SYT1: variants seen among roughly 807,000 people sequenced by gnomAD.
SYT1 encodes synaptotagmin-1.
In SYT1, 8 loss-of-function variants were observed where a neutral mutation model predicts 44.8. That is an observed-to-expected ratio of 0.18 (90% CI 0.10 to 0.32). The LOEUF (loss-of-function observed/expected upper bound fraction) is 0.32. Among genes scored for constraint, SYT1 ranks in the 10% least tolerant of loss-of-function variants. SYT1 has a pLI of 1.00. For synonymous variants in SYT1, 154 were observed against 188.8 expected, an observed-to-expected ratio of 0.82 and a Z score of 1.51; for missense variants, 286 against 509.3, an observed-to-expected ratio of 0.56 and a Z score of 4.22.
chr12:79,407,853 T>C (rs151290202), intron 9 of SYT1, among the ~76,000 whole-genome samples: 257 of 152,280 alleles, frequency 1.7e-3, no homozygotes, highest in African/African-American at 5.7e-3. Context: ...GACATTGCTG[T>C]CTTCTTTCCT....
chr12:79,008,752 C>T (rs893072709), intron 2 of SYT1, among the ~76,000 whole-genome samples: 2 of 152,076 alleles, frequency 1.3e-5, no homozygotes, highest in African/African-American at 2.4e-5. Context: ...AGCCACCTCC[C>T]TTTGCTTATT....
At chr12:79,097,332 G>A (rs1878193628) in intron 3 of SYT1, among the ~76,000 whole-genome samples, 1 of 151,924 alleles carries the variant, frequency 6.6e-6, no homozygotes, top group Non-Finnish European at 1.5e-5. Flanking sequence ...TAGTCTGAGG[G>A]CTATCAGCCA....
At chr12:79,183,635 T>C (rs1872658702) in intron 3 of SYT1, among the ~76,000 whole-genome samples, 1 of 152,024 alleles carries the variant, frequency 6.6e-6, no homozygotes, top group Non-Finnish European at 1.5e-5. Context: ...ACCATGCTGT[T>C]CCCACAGCCC....
chr12:79,384,685 A>T (rs1884360661), intron 9 of SYT1, among the ~76,000 whole-genome samples: 1 of 152,184 alleles, frequency 6.6e-6, no homozygotes, highest in Non-Finnish European at 1.5e-5. Context: ...ATCCACTGAC[A>T]GCCAAAATGA....
At chr12:79,206,530 GA>G (rs569794722) in intron 3 of SYT1, among the ~76,000 whole-genome samples, 4 of 151,864 alleles carry the variant, frequency 2.6e-5, no homozygotes, top group African/African-American at 9.7e-5. Context: ...TAAAAAATGT[GA>G]AAAAAAATAT....
intron 8 of SYT1, among the ~76,000 whole-genome samples, chr12:79,333,802 A>G (rs1474300288): frequency 6.6e-6 from 1 of 152,220 alleles, no homozygotes; most frequent in Non-Finnish European, 1.5e-5. Context: ...AAAGATAGTT[A>G]CATTATTATT....
Position 79,228,035 on chromosome 12 carries a change from A to ATTT in SYT1, c.166+10362_166+10364dup, listed in dbSNP as rs34646036. The stretch of plus-strand genomic sequence containing the variant: ...TGTTTCTTATTTCATCCTCTCCTCC[A>ATTT]TTTTTTTTTTTTTTGGTCCTATAAT... On this transcript the variant is annotated intron_variant, in intron 4 of 10. Transcript: ENST00000261205. 1.2e-3 allele frequency among the ~76,000 whole-genome samples: 165 copies of ATTT among 140,492 alleles called. No individual in the cohort carries two copies. In the Middle Eastern group the frequency reaches 0.015, roughly 13 times the overall value. 92.2% of individuals were successfully genotyped at this position (140,492 alleles called of 152,430 possible).
At chr12:78,871,100 T>C (rs1029217682) in intron 1 of SYT1, among the ~76,000 whole-genome samples, 21 of 152,150 alleles carry the variant, frequency 1.4e-4, no homozygotes, top group African/African-American at 5.1e-4. Flanking sequence ...CTGAAAGGAT[T>C]GTTTAAAAAG....
chr12:79,277,117 C>T (rs568947083), intron 4 of SYT1, among the ~76,000 whole-genome samples: 5 of 152,018 alleles, frequency 3.3e-5, no homozygotes, highest in Admixed American at 2.6e-4. Context: ...TATTAGACAT[C>T]TAGACACAAA....
intron 8 of SYT1, among the ~76,000 whole-genome samples, chr12:79,304,964 C>A (rs2138900879): frequency 6.6e-6 from 1 of 152,154 alleles, no homozygotes; most frequent in African/African-American, 2.4e-5. Flanking sequence ...TATCTTGGGT[C>A]ATAGCTGTGG....
intron 8 of SYT1, among the ~76,000 whole-genome samples, chr12:79,343,636 T>A (rs1882473780): frequency 6.6e-6 from 1 of 152,186 alleles, no homozygotes; most frequent in African/African-American, 2.4e-5. Context: ...GAAAGAAAGA[T>A]CTCAAATGTT....
chr12:79,218,582 G>A (rs1874957662), intron 4 of SYT1, among the ~76,000 whole-genome samples: 1 of 152,144 alleles, frequency 6.6e-6, no homozygotes, highest in African/African-American at 2.4e-5. Context: ...CTACTTCTAT[G>A]AAATCAACTT....
At chr12:79,057,119 C>T (rs1408953931) in intron 3 of SYT1, among the ~76,000 whole-genome samples, 2 of 152,030 alleles carry the variant, frequency 1.3e-5, no homozygotes, top group Non-Finnish European at 2.9e-5. Flanking sequence ...CATTTTCCTC[C>T]TTTCCTTGGA....
chr12:79,258,730 G>C (rs1349411178), intron 4 of SYT1, among the ~76,000 whole-genome samples: 7 of 152,184 alleles, frequency 4.6e-5, no homozygotes, highest in Non-Finnish European at 7.3e-5. Context: ...TAGGAAGAGA[G>C]AAAAGGATGC....
At chr12:78,878,939 A>T (rs1038353698) in intron 1 of SYT1, among the ~76,000 whole-genome samples, 1 of 151,738 alleles carries the variant, frequency 6.6e-6, no homozygotes, top group Admixed American at 6.6e-5. Flanking sequence ...GATTCATTGC[A>T]GTAGGGCAAA....
rs184856992 is a variant in SYT1 at position 79,128,880 on chromosome 12, G to C, written c.-18+81518G>C. Among the ~76,000 whole-genome samples, 127 of 152,236 alleles carry C rather than the reference G, an allele frequency of 8.3e-4. 1 individual carries two copies. Among genetic ancestry groups the C allele is most frequent in the Non-Finnish European group, 8.5e-4 (58 of 68,004 alleles). ...TCCTTGAGCCAAGCTGGACTTACTGGTAATTCCCTGAACACTTTTGATTTC... is the reference window on the plus strand; with the variant it reads ...TCCTTGAGCCAAGCTGGACTTACTGCTAATTCCCTGAACACTTTTGATTTC... On this transcript the variant is annotated intron_variant, in intron 3 of 10. Transcript: ENST00000261205.
chr12:79,139,677 A>T (rs1869435517), intron 3 of SYT1, among the ~76,000 whole-genome samples: 2 of 152,210 alleles, frequency 1.3e-5, no homozygotes, highest in African/African-American at 2.4e-5. Flanking sequence ...CGCTTCTACT[A>T]AAACCAAATC....
chr12:79,348,955 AAAG>A (rs1211878438), intron 8 of SYT1, among the ~76,000 whole-genome samples: 4 of 146,964 alleles, frequency 2.7e-5, no homozygotes, highest in Middle Eastern at 3.4e-3. Context: ...AGAAAGAAAA[AAAG>A]AAAAGAAAGA....
At chr12:79,320,299 A>G (rs1311339595) in intron 8 of SYT1, among the ~76,000 whole-genome samples, 4 of 152,240 alleles carry the variant, frequency 2.6e-5, no homozygotes, top group African/African-American at 7.2e-5. Context: ...AAAAAAGCAC[A>G]TGCTGCATCT....
Sources: allele counts gnomAD v4.1 joint callset (sites outside exome capture counted in the v4.1 genomes callset), GRCh38; gene constraint gnomAD v4.1.1; transcripts MANE v1.5; gene names NCBI Gene and HGNC (gene_info 2026-07-23, HGNC 2026-07-21).